PPFIA2: variants seen among roughly 807,000 people sequenced by gnomAD.
PPFIA2 encodes PPFI scaffold protein A2, also known as liprin-alpha-2.
Under a neutral mutation model 175.5 loss-of-function variants are expected in PPFIA2, and 46 were observed. The ratio of observed to expected loss-of-function variants is 0.26; its 90% CI spans 0.21 to 0.34. The LOEUF (loss-of-function observed/expected upper bound fraction) is 0.34. Ranked by LOEUF, PPFIA2 falls within the 10% of genes least tolerant of loss-of-function variation. PPFIA2 has a pLI of 1.00. For synonymous variants in PPFIA2, 568 were observed against 511.4 expected, an observed-to-expected ratio of 1.11 and a Z score of -1.49; for missense variants, 1,179 against 1,506.1, an observed-to-expected ratio of 0.78 and a Z score of 3.60.
intron 14 of PPFIA2, among the ~76,000 whole-genome samples, chr12:81,364,913 G>A (rs1433431889): frequency 6.6e-6 from 1 of 151,812 alleles, no homozygotes; most frequent in Non-Finnish European, 1.5e-5. Flanking sequence ...GACTGCTGGT[G>A]TGTTAGGTTA....
intron 4 of PPFIA2, among the ~76,000 whole-genome samples, chr12:81,474,490 C>T (rs932583996): frequency 2.6e-5 from 4 of 152,086 alleles, no homozygotes; most frequent in East Asian, 1.9e-4. Flanking sequence ...TGAGGTTTCA[C>T]CATGCTGGCT....
intron 22 of PPFIA2, among the ~76,000 whole-genome samples, chr12:81,324,153 T>C (rs1328541819): frequency 6.6e-6 from 1 of 151,996 alleles, no homozygotes; most frequent in Non-Finnish European, 1.5e-5. Flanking sequence ...AGGGAAGAAT[T>C]AGTATTTTTT....
chr12:81,740,770 T>C (rs1412058239), intron 3 of PPFIA2, among the ~76,000 whole-genome samples: 1 of 152,256 alleles, frequency 6.6e-6, no homozygotes, highest in African/African-American at 2.4e-5. Flanking sequence ...ATCTTGATAA[T>C]ACTAATGACT....
At chr12:81,394,303 A>G (rs2040694150) in intron 8 of PPFIA2, among the ~76,000 whole-genome samples, 1 of 152,020 alleles carries the variant, frequency 6.6e-6, no homozygotes, top group Admixed American at 6.6e-5. Context: ...TATATTTTAG[A>G]TAGTCAAAAA....
intron 4 of PPFIA2, among the ~76,000 whole-genome samples, chr12:81,504,257 G>A (rs368189023): frequency 4.6e-5 from 7 of 151,926 alleles, no homozygotes; most frequent in East Asian, 3.9e-4. Flanking sequence ...TCTGACAAAC[G>A]GCTAATATCT....
At chr12:81,576,246 A>C (rs1481179092) in intron 4 of PPFIA2, among the ~76,000 whole-genome samples, 1 of 151,748 alleles carries the variant, frequency 6.6e-6, no homozygotes, top group Non-Finnish European at 1.5e-5. Context: ...ATGTCTTGAG[A>C]AAATGACTTT....
intron 4 of PPFIA2, chr12:81,598,016 A>G (rs2059425699): frequency 6.5e-7 from 1 of 1,535,176 alleles, no homozygotes; most frequent in Non-Finnish European, 8.7e-7. Context: ...AACGGTGTTC[A>G]TATCCGAGAA....
chr12:81,490,605 T>C (rs546341561), intron 4 of PPFIA2, among the ~76,000 whole-genome samples: 27 of 151,934 alleles, frequency 1.8e-4, no homozygotes, highest in Non-Finnish European at 3.7e-4. Context: ...TAGACATAAA[T>C]TGATGTTAAG....
chr12:81,745,778 A>C (rs1301453370), intron 3 of PPFIA2, among the ~76,000 whole-genome samples: 2 of 152,150 alleles, frequency 1.3e-5, no homozygotes, highest in Non-Finnish European at 2.9e-5. Flanking sequence ...GGGCATCCAC[A>C]GCCACTGTGG....
intron 4 of PPFIA2, among the ~76,000 whole-genome samples, chr12:81,659,536 G>C (rs10746198): frequency 0.92 from 139,684 of 152,280 alleles, 64,253 homozygotes; most frequent in East Asian, 1. Context: ...GAGGCTTGAA[G>C]AGGTAAACAA....
At chr12:81,264,351 C>T (rs865971432) in intron 30 of PPFIA2, among the ~76,000 whole-genome samples, 11 of 152,258 alleles carry the variant, frequency 7.2e-5, no homozygotes, top group African/African-American at 2.4e-4. Flanking sequence ...TCCAAATTGG[C>T]AAGTAGCAAT....
chr12:81,347,507 A>T, intron 18 of PPFIA2, 26 bp downstream of exon 18: 1 of 1,554,338 alleles, frequency 6.4e-7, no homozygotes, highest in Non-Finnish European at 8.9e-7. Context: ...ACAGGAGGCA[A>T]AGGTTCTCTG....
At chr12:81,683,168 G>A (rs2073933930) in intron 3 of PPFIA2, among the ~76,000 whole-genome samples, 1 of 151,920 alleles carries the variant, frequency 6.6e-6, no homozygotes, top group South Asian at 2.1e-4. Flanking sequence ...CCCAGTGATT[G>A]CCATCTTATT....
chr12:81,547,075 T>C (rs1050327891), intron 4 of PPFIA2, among the ~76,000 whole-genome samples: 1 of 152,100 alleles, frequency 6.6e-6, no homozygotes, highest in African/African-American at 2.4e-5. Context: ...GTGCCTAGAT[T>C]TTGGTGTTGG....
chr12:81,335,630 G>T (rs527635850), intron 21 of PPFIA2, among the ~76,000 whole-genome samples: 62 of 152,156 alleles, frequency 4.1e-4, no homozygotes, highest in African/African-American at 1.4e-3. Context: ...TGTAATCCCA[G>T]CTACTAGGGA....
At chr12:81,333,804 G>A (rs574056959) in intron 21 of PPFIA2, among the ~76,000 whole-genome samples, 36 of 152,228 alleles carry the variant, frequency 2.4e-4, no homozygotes, top group African/African-American at 8.7e-4. Flanking sequence ...TACCTGAGCT[G>A]TGGAAACATT....
intron 22 of PPFIA2, among the ~76,000 whole-genome samples, chr12:81,306,616 C>T (rs1337134120): frequency 6.8e-6 from 1 of 146,530 alleles, no homozygotes; most frequent in Admixed American, 6.9e-5. Flanking sequence ...TCTCGGCTCA[C>T]TGCAACCTCT....
At chr12:81,598,296 G>A (rs985107104) in intron 4 of PPFIA2, 10 of 1,209,914 alleles carry the variant, frequency 8.3e-6, no homozygotes, top group Non-Finnish European at 1.0e-5. Flanking sequence ...AAACACAGAA[G>A]GAAAAAAGCA....
At chr12:81,376,540 T>G (rs1427929381) in intron 9 of PPFIA2, among the ~76,000 whole-genome samples, 2 of 152,114 alleles carry the variant, frequency 1.3e-5, no homozygotes, top group Non-Finnish European at 2.9e-5. Flanking sequence ...CATGAACACA[T>G]AAATATAGGA....
Sources: allele counts gnomAD v4.1 joint callset (sites outside exome capture counted in the v4.1 genomes callset), GRCh38; gene constraint gnomAD v4.1.1; transcripts MANE v1.5; gene names NCBI Gene and HGNC (gene_info 2026-07-23, HGNC 2026-07-21).